The following STXBP4 variants were observed in gnomAD, a reference collection of about 807,000 sequenced individuals.
The protein encoded by STXBP4 is syntaxin-binding protein 4.
A neutral mutation model predicts 76.1 loss-of-function variants in STXBP4; 55 were observed. That is an observed-to-expected ratio of 0.72 (90% confidence interval 0.58 to 0.91). The LOEUF is 0.91. Ranked by LOEUF, STXBP4 falls within the 40% of genes least tolerant of loss-of-function variation. The pLI is 0.00. For synonymous variants in STXBP4, 201 were observed against 220.2 expected, an observed-to-expected ratio of 0.91 and a Z score of 0.77; for missense variants, 618 against 636.9, an observed-to-expected ratio of 0.97 and a Z score of 0.32.
intron 17 of STXBP4, among the ~76,000 whole-genome samples, chr17:55,143,796 G>A (rs920622436): frequency 6.6e-6 from 1 of 152,110 alleles, no homozygotes; most frequent in African/African-American, 2.4e-5. Context: ...TCAATTTTTT[G>A]TTTCCTTGAC....
intron 12 of STXBP4, among the ~76,000 whole-genome samples, chr17:55,067,179 G>A (rs2079062777): frequency 6.6e-6 from 1 of 152,118 alleles, no homozygotes; most frequent in African/African-American, 2.4e-5. Context: ...CAGACAGATT[G>A]TGTTCTAATT....
At chr17:55,150,210 C>T (rs2080199458) in intron 17 of STXBP4, among the ~76,000 whole-genome samples, 1 of 152,218 alleles carries the variant, frequency 6.6e-6, no homozygotes, top group Non-Finnish European at 1.5e-5. Flanking sequence ...CCACCACAGA[C>T]ATGGCTTAAA....
At chr17:55,133,723 G>A (rs1473014423) in intron 16 of STXBP4, among the ~76,000 whole-genome samples, 2 of 152,164 alleles carry the variant, frequency 1.3e-5, no homozygotes, top group Non-Finnish European at 2.9e-5. Context: ...TTCCAAGGAG[G>A]TAGTGATCAA....
intron 12 of STXBP4, among the ~76,000 whole-genome samples, chr17:55,053,079 C>T (rs905697961): frequency 6.6e-6 from 1 of 151,568 alleles, no homozygotes; most frequent in Non-Finnish European, 1.5e-5. Flanking sequence ...ACTGGATCCT[C>T]TACCGGAATG....
At chr17:55,037,798 T>C (rs2078628978) in intron 10 of STXBP4, among the ~76,000 whole-genome samples, 1 of 152,212 alleles carries the variant, frequency 6.6e-6, no homozygotes, top group African/African-American at 2.4e-5. Flanking sequence ...TATTCACTTG[T>C]ATTTCATTAA....
the STXBP4 span, among the ~76,000 whole-genome samples, chr17:55,211,202 A>C: frequency 6.6e-6 from 1 of 151,942 alleles, no homozygotes; most frequent in Non-Finnish European, 1.5e-5. Flanking sequence ...AATCATGCTG[A>C]TTTATGTGTG....
intron 7 of STXBP4, 42 bp from the exon 8 acceptor site, chr17:55,007,464 C>A: frequency 1.4e-6 from 2 of 1,442,210 alleles, no homozygotes; most frequent in Non-Finnish European, 9.7e-7. Context: ...AATTTCGATT[C>A]CAATTAAGTT....
chr17:55,051,887 C>A (rs993451472), intron 12 of STXBP4, among the ~76,000 whole-genome samples: 5 of 152,024 alleles, frequency 3.3e-5, no homozygotes, highest in South Asian at 4.2e-4. Context: ...TATATATATG[C>A]GTGTGTATAT....
the STXBP4 span, among the ~76,000 whole-genome samples, chr17:55,211,383 C>T: frequency 6.6e-6 from 1 of 152,054 alleles, no homozygotes; most frequent in Non-Finnish European, 1.5e-5. Context: ...AGGATTACAG[C>T]TTAACTGCAT....
At chr17:55,028,664 T>A (rs1052039602) in intron 8 of STXBP4, among the ~76,000 whole-genome samples, 1 of 152,190 alleles carries the variant, frequency 6.6e-6, no homozygotes, top group African/African-American at 2.4e-5. Flanking sequence ...AAACCTCATG[T>A]ATGAAAATTT....
At chr17:55,091,979 A>G (rs2079420622) in intron 16 of STXBP4, among the ~76,000 whole-genome samples, 3 of 152,212 alleles carry the variant, frequency 2.0e-5, no homozygotes, top group Admixed American at 6.5e-5. Flanking sequence ...TTCTGGTCCA[A>G]GCATCTCAGA....
chr17:55,181,444 A>G, the STXBP4 span, among the ~76,000 whole-genome samples: 4 of 152,304 alleles, frequency 2.6e-5, no homozygotes, highest in South Asian at 4.1e-4. Flanking sequence ...TGCTGTCACA[A>G]TTCTTTTGCT....
intron 16 of STXBP4, among the ~76,000 whole-genome samples, chr17:55,113,217 CCACACA>C (rs10611316): frequency 0.06 from 8,437 of 141,272 alleles, 436 homozygotes; most frequent in African/African-American, 0.14. Flanking sequence ...GGTGCTCTTA[CCACACA>C]CACACACACA....
At chr17:55,130,702 A>C (rs2079964917) in intron 16 of STXBP4, among the ~76,000 whole-genome samples, 1 of 152,190 alleles carries the variant, frequency 6.6e-6, no homozygotes, top group African/African-American at 2.4e-5. Flanking sequence ...GCCTCTGGTA[A>C]CAACTATTCT....
At chr17:55,043,388 AT>A (rs1289848011) in intron 11 of STXBP4, 63 bp downstream of exon 11, 1 of 1,009,192 alleles carries the variant, frequency 9.9e-7, no homozygotes, top group African/African-American at 1.7e-5. Context: ...AAAAAATCCT[AT>A]ATTGGATTCT....
At chr17:55,114,992 C>T (rs571112096) in intron 16 of STXBP4, among the ~76,000 whole-genome samples, 5 of 151,958 alleles carry the variant, frequency 3.3e-5, no homozygotes, top group African/African-American at 1.2e-4. Context: ...TTAACCATAT[C>T]CTTTATTGAA....
chr17:55,067,506 T>A (rs1046528518), intron 12 of STXBP4, among the ~76,000 whole-genome samples: 33 of 152,258 alleles, frequency 2.2e-4, no homozygotes, highest in African/African-American at 5.1e-4. Context: ...TAAGTTAATG[T>A]ACTTGGATAT....
the STXBP4 span, among the ~76,000 whole-genome samples, chr17:55,189,432 G>C: frequency 6.6e-6 from 1 of 152,144 alleles, no homozygotes; most frequent in Admixed American, 6.5e-5. Flanking sequence ...AAATGCATTT[G>C]CATCAGAGCT....
intron 15 of STXBP4, among the ~76,000 whole-genome samples, chr17:55,080,335 G>T (rs2079240276): frequency 6.6e-6 from 1 of 152,072 alleles, no homozygotes; most frequent in Non-Finnish European, 1.5e-5. Context: ...ACAGAATAAA[G>T]GCTATGTATT....
Sources: gnomAD v4.1 joint callset for allele counts (sites outside exome capture counted in the v4.1 genomes callset) on GRCh38, gnomAD v4.1.1 for gene constraint, MANE v1.5 for transcripts, NCBI Gene and HGNC (gene_info 2026-07-23, HGNC 2026-07-21) for gene names.